Variants in ZNF521 observed in about 807,000 individuals in gnomAD.
The protein encoded by ZNF521 is zinc finger protein 521.
A neutral mutation model predicts 105.5 loss-of-function variants in ZNF521; 14 were observed. That is an observed-to-expected ratio of 0.13 (90% CI 0.09 to 0.21). The LOEUF (loss-of-function observed/expected upper bound fraction) is 0.21. Among genes scored for constraint, ZNF521 ranks in the 10% least tolerant of loss-of-function variants. ZNF521 has a pLI of 1.00. For missense variants in ZNF521, 1,233 were observed against 1,629.7 expected, an observed-to-expected ratio of 0.76 and a Z score of 4.19; for synonymous variants, 635 against 606.0, an observed-to-expected ratio of 1.05 and a Z score of -0.70.
intron 2 of ZNF521, among the ~76,000 whole-genome samples, chr18:25,334,149 G>C (rs1056575904): frequency 6.6e-6 from 1 of 152,032 alleles, no homozygotes; most frequent in African/African-American, 2.4e-5. Flanking sequence ...AGAAGACAAA[G>C]CCTTTAATTA....
intron 3 of ZNF521, among the ~76,000 whole-genome samples, chr18:25,286,394 A>G (rs1343375054): frequency 6.6e-6 from 1 of 152,222 alleles, no homozygotes; most frequent in Non-Finnish European, 1.5e-5. Context: ...GAGCTGGAGG[A>G]TGAACAGCAC....
At chr18:25,234,849 C>T (rs936800669) in intron 3 of ZNF521, among the ~76,000 whole-genome samples, 1 of 150,966 alleles carries the variant, frequency 6.6e-6, no homozygotes, top group African/African-American at 2.4e-5. Flanking sequence ...TAAAAATAAA[C>T]AAAAATAAAG....
chr18:25,275,559 A>C (rs967752707), intron 3 of ZNF521, among the ~76,000 whole-genome samples: 1 of 152,236 alleles, frequency 6.6e-6, no homozygotes, highest in Non-Finnish European at 1.5e-5. Context: ...AGCAAGAAAC[A>C]CATCATACTT....
intron 5 of ZNF521, among the ~76,000 whole-genome samples, chr18:25,134,383 G>A (rs181318237): frequency 1.3e-5 from 2 of 152,130 alleles, no homozygotes; most frequent in Non-Finnish European, 2.9e-5. Context: ...CAGTTAGATC[G>A]ATGGCCTATA....
intron 5 of ZNF521, among the ~76,000 whole-genome samples, chr18:25,176,146 T>G (rs181868199): frequency 6.6e-6 from 1 of 152,214 alleles, no homozygotes; most frequent in African/African-American, 2.4e-5. Context: ...AGTCTTTTTA[T>G]GGCTCCATTT....
chr18:25,184,152 G>A (rs902088130), intron 5 of ZNF521, among the ~76,000 whole-genome samples: 1 of 151,838 alleles, frequency 6.6e-6, no homozygotes, highest in Admixed American at 6.6e-5. Flanking sequence ...TTGTTGGCAG[G>A]TGACTTCATT....
At chr18:25,261,473 G>T (rs902522847) in intron 3 of ZNF521, among the ~76,000 whole-genome samples, 4 of 152,146 alleles carry the variant, frequency 2.6e-5, no homozygotes, top group African/African-American at 9.7e-5. Context: ...CTCGGTGAAT[G>T]AGTCCATCTT....
intron 5 of ZNF521, among the ~76,000 whole-genome samples, chr18:25,159,862 C>T (rs1284697038): frequency 1.3e-5 from 2 of 152,146 alleles, no homozygotes; most frequent in African/African-American, 2.4e-5. Flanking sequence ...GATAATAGTA[C>T]ACATGGTTAT....
intron 7 of ZNF521, among the ~76,000 whole-genome samples, chr18:25,078,159 G>A (rs938138553): frequency 6.6e-6 from 1 of 152,120 alleles, no homozygotes; most frequent in Non-Finnish European, 1.5e-5. Context: ...CCGAGACTCT[G>A]GGGCGGCTGG....
At chr18:25,209,755 C>T (rs1021727989) in intron 4 of ZNF521, among the ~76,000 whole-genome samples, 3 of 152,162 alleles carry the variant, frequency 2.0e-5, no homozygotes, top group Admixed American at 2.0e-4. Flanking sequence ...CCTTTCTTAA[C>T]TGTGATTATA....
At position 25,199,663 on chromosome 18, in the gene ZNF521, A is replaced by G. The variant is rs149933999; in HGVS notation, c.3574-4419T>C. Among the ~76,000 whole-genome samples, 514 of 152,220 alleles carry G rather than the reference A, an allele frequency of 3.4e-3. 10 individuals carry two copies. Among genetic ancestry groups the G allele is most frequent in the Admixed American group, 0.031 (480 of 15,260 alleles). ...ACCATCATAAAATCTAGGTGTATAC[A>G]TGAACATTTTCATAAAAACTGGAAA... is the stretch of plus-strand genomic sequence containing the variant. On this transcript the variant is annotated intron_variant, in intron 4 of 7. Coordinates refer to ENST00000361524, the MANE Select transcript of ZNF521 (RefSeq NM_015461.3).
At chr18:25,293,899 A>G (rs1911174985) in intron 3 of ZNF521, among the ~76,000 whole-genome samples, 1 of 152,206 alleles carries the variant, frequency 6.6e-6, no homozygotes, top group Admixed American at 6.5e-5. Flanking sequence ...CCTTATGACT[A>G]GCAAATTAAA....
chr18:25,075,485 C>T (rs2033338942), intron 7 of ZNF521, among the ~76,000 whole-genome samples: 1 of 152,190 alleles, frequency 6.6e-6, no homozygotes, highest in Non-Finnish European at 1.5e-5. Flanking sequence ...TGTGAGTTTG[C>T]TTAATAACAC....
chr18:25,123,736 G>T (rs1012154419), intron 5 of ZNF521, among the ~76,000 whole-genome samples: 89 of 152,218 alleles, frequency 5.8e-4, no homozygotes, highest in African/African-American at 2.0e-3. Context: ...GACCTACCTT[G>T]ACCTAATGTG....
intron 5 of ZNF521, among the ~76,000 whole-genome samples, chr18:25,163,951 A>C (rs191580699): frequency 6.6e-6 from 1 of 152,334 alleles, no homozygotes; most frequent in Admixed American, 6.5e-5. Flanking sequence ...TATGTGAGAA[A>C]GACAGGGGCA....
Position 25,103,928 on chromosome 18 carries a change from G to A in ZNF521, c.3659-11847C>T, listed in dbSNP as rs920872549. Among the ~76,000 whole-genome samples the A allele has an allele frequency of 6.6e-5, 10 of 152,218 alleles. No individual in the cohort carries two copies. The South Asian group carries it at 2.1e-3, about 32-fold the overall frequency. Reference sequence around the variant, plus strand: ...TATGAAGTGTGATGAAGAAGTAGATGTCTCTGGGTATTTTTGCTATGTCAA... The same window carrying A: ...TATGAAGTGTGATGAAGAAGTAGATATCTCTGGGTATTTTTGCTATGTCAA... On this transcript the variant is annotated intron_variant, in intron 5 of 7. Transcript: ENST00000361524.
At chr18:25,117,079 AC>A (rs1567968913) in intron 5 of ZNF521, among the ~76,000 whole-genome samples, 6 of 19,302 alleles carry the variant, frequency 3.1e-4, no homozygotes, top group Admixed American at 8.9e-4. Context: ...ACACACACAC[AC>A]ACATACACAC....
At chr18:25,254,963 AT>A (rs1908378280) in intron 3 of ZNF521, among the ~76,000 whole-genome samples, 1 of 152,132 alleles carries the variant, frequency 6.6e-6, no homozygotes. Context: ...AGAAGTACAA[AT>A]TTGCTACATT....
Position 25,239,691 on chromosome 18 carries a change from G to A in ZNF521, c.221-11994C>T, listed in dbSNP as rs577137734. 1.1e-3 allele frequency among the ~76,000 whole-genome samples: 171 copies of A among 152,284 alleles called. 3 individuals are homozygous for A. The highest frequency in any genetic ancestry group is 3.9e-3 in the African/African-American group (162 of 41,562). On this transcript the variant is annotated intron_variant, in intron 3 of 7. Coordinates refer to ENST00000361524, the MANE Select transcript of ZNF521 (RefSeq NM_015461.3). The stretch of plus-strand genomic sequence containing the variant: ...TAGAAATTCTTTGTTCTTTGAACAG[G>A]CTACAGTCTCTTGCAACTTCCGGGG...
Sources: allele counts gnomAD v4.1 joint callset (sites outside exome capture counted in the v4.1 genomes callset), GRCh38; gene constraint gnomAD v4.1.1; transcripts MANE v1.5; gene names NCBI Gene and HGNC (gene_info 2026-07-23, HGNC 2026-07-21).